The following SMC1B variants were observed in gnomAD, a reference collection of about 807,000 sequenced individuals.
SMC1B encodes structural maintenance of chromosomes protein 1B.
In SMC1B, 60 loss-of-function variants were observed where a neutral mutation model predicts 157.9. The observed-to-expected ratio is 0.38, with a 90% CI of 0.31 to 0.47. SMC1B has a LOEUF of 0.47. SMC1B is among the 20% of genes least tolerant of loss of function. The probability of loss-of-function intolerance (pLI) is 0.99; values close to 1 mark genes in which losing one functional copy is unlikely to be tolerated. For missense variants in SMC1B, 1,165 were observed against 1,426.2 expected (o/e 0.82, Z 2.95); for synonymous variants, 445 against 483.0 (o/e 0.92, Z 1.03).
intron 2 of SMC1B, 42 bp downstream of exon 2, chr22:45,408,668 G>T: frequency 1.4e-6 from 2 of 1,394,684 alleles, no homozygotes; most frequent in South Asian, 1.3e-5. Flanking sequence ...AATCTTACTT[G>T]ACTCTTGAAA....
At chr22:45,405,375 C>T (rs767156137) in intron 4 of SMC1B, among the ~76,000 whole-genome samples, 3 of 151,752 alleles carry the variant, frequency 2.0e-5, no homozygotes, top group African/African-American at 7.3e-5. Flanking sequence ...GGTGAAACCC[C>T]GTCTCTACTA....
intron 11 of SMC1B, among the ~76,000 whole-genome samples, chr22:45,385,293 T>G (rs1569188866): frequency 6.6e-6 from 1 of 152,240 alleles, no homozygotes; most frequent in African/African-American, 2.4e-5. Flanking sequence ...ATACTATAGT[T>G]TATAAGTAAA....
intron 23 of SMC1B, among the ~76,000 whole-genome samples, chr22:45,346,981 C>A (rs1251187938): frequency 2.0e-5 from 3 of 152,180 alleles, no homozygotes; most frequent in Non-Finnish European, 4.4e-5. Context: ...CCTGGAGATG[C>A]CACCAATGCA....
intron 19 of SMC1B, among the ~76,000 whole-genome samples, chr22:45,358,230 C>T (rs751706302): frequency 1.3e-5 from 2 of 152,138 alleles, no homozygotes; most frequent in African/African-American, 2.4e-5. Context: ...TAAAAATGAA[C>T]TGGTTAATGT....
intron 11 of SMC1B, among the ~76,000 whole-genome samples, chr22:45,384,152 T>G (rs1417350403): frequency 6.6e-6 from 1 of 152,168 alleles, no homozygotes; most frequent in African/African-American, 2.4e-5. Flanking sequence ...GAGGTTGCAT[T>G]TTCATGTTTA....
At chr22:45,368,011 A>G (rs1358924525) in intron 15 of SMC1B, among the ~76,000 whole-genome samples, 1 of 151,934 alleles carries the variant, frequency 6.6e-6, no homozygotes, top group Non-Finnish European at 1.5e-5. Context: ...TGTATACTTT[A>G]TTTTTCTTGT....
At chr22:45,366,664 G>A (rs1349077414) in intron 15 of SMC1B, among the ~76,000 whole-genome samples, 5 of 152,194 alleles carry the variant, frequency 3.3e-5, no homozygotes, top group Admixed American at 6.5e-5. Context: ...TTGGGAGGCC[G>A]AGGTGCATGG....
intron 12 of SMC1B, among the ~76,000 whole-genome samples, chr22:45,379,090 T>C (rs1008706864): frequency 8.5e-5 from 13 of 152,218 alleles, no homozygotes; most frequent in Admixed American, 3.3e-4. Context: ...CAAGCAATTC[T>C]CCTGCCTCAG....
chr22:45,356,727 C>CTTTTTTTT (rs1174032906), intron 19 of SMC1B, among the ~76,000 whole-genome samples: 3 of 126,430 alleles, frequency 2.4e-5, no homozygotes, highest in African/African-American at 8.9e-5. Context: ...TTTTTCTTTT[C>CTTTTTTTT]TTTTTTTTTT....
Position 45,396,376 on chromosome 22 carries a change from T to C in SMC1B, c.1224A>G (p.Ala408=), listed in dbSNP as rs1224245198. The C allele has an allele frequency of 1.9e-6, 3 of 1,613,292 alleles. No homozygotes were observed. Among genetic ancestry groups the C allele is most frequent in the South Asian group, 1.1e-5 (1 of 90,922 alleles). ...WEQKTDEERL[A]FEKRRHGEVQ... is the part of the protein sequence containing the mutation. ...CTTCTCCATGCCTCCTCTTTTCAAA[T>C]GCCAGTCTTTCTTCATCTGTCTTCT... The change falls in exon 7 of 25, where the codon GCA becomes GCG. Residue 408 remains alanine (A), a synonymous_variant. Coordinates refer to ENST00000357450, the MANE Select transcript of SMC1B (RefSeq NM_148674.5).
At chr22:45,390,373 T>C (rs1408412272) in intron 9 of SMC1B, among the ~76,000 whole-genome samples, 2 of 152,166 alleles carry the variant, frequency 1.3e-5, no homozygotes, top group East Asian at 3.8e-4. Flanking sequence ...GAGAGTGCTC[T>C]GAGAATATTT....
intron 4 of SMC1B, among the ~76,000 whole-genome samples, chr22:45,405,478 G>A (rs1444287814): frequency 6.6e-6 from 1 of 151,956 alleles, no homozygotes; most frequent in Non-Finnish European, 1.5e-5. Context: ...CGTGAACCCA[G>A]GAGGCGGAGC....
chr22:45,367,817 C>A (rs2146788751), intron 15 of SMC1B, among the ~76,000 whole-genome samples: 1 of 152,288 alleles, frequency 6.6e-6, no homozygotes, highest in South Asian at 2.1e-4. Context: ...AAGTCCAATT[C>A]TCTTATTGTC....
Position 45,361,979 on chromosome 22 carries a change from T to A in SMC1B, c.2568A>T (p.Glu856Asp). 1 of 1,613,856 alleles carries A rather than the reference T, an allele frequency of 6.2e-7. No homozygotes were observed. Residue 856 changes from glutamate to aspartate, a missense_variant, in exon 17 of 25, where the codon GAA becomes GAT. Physicochemically the swap from Glu to Asp is conservative, Grantham distance 45. Coordinates refer to ENST00000357450, the MANE Select transcript of SMC1B (RefSeq NM_148674.5). ...SEDIDHLKKA[E>D]ENCLQTVNEL... ...CATTCACTGTCTGCAGACAGTTTTC[T>A]TCAGCCTGAACAGAGAGGATCTGCA...
chr22:45,378,353 T>C (rs984181520), intron 12 of SMC1B, among the ~76,000 whole-genome samples: 2 of 152,194 alleles, frequency 1.3e-5, no homozygotes, highest in African/African-American at 4.8e-5. Flanking sequence ...TAAAAAGCTC[T>C]ACTTTAAAAA....
chr22:45,349,190 T>C (rs1419284530), intron 23 of SMC1B, among the ~76,000 whole-genome samples: 3 of 149,052 alleles, frequency 2.0e-5, no homozygotes, highest in African/African-American at 7.5e-5. Flanking sequence ...AATTTTTGTA[T>C]TTTTAGTAGA....
At chr22:45,382,260 C>T (rs1225484651) in intron 12 of SMC1B, among the ~76,000 whole-genome samples, 2 of 152,186 alleles carry the variant, frequency 1.3e-5, no homozygotes, top group Middle Eastern at 3.4e-3. Flanking sequence ...ACAAAAAGAA[C>T]AAAGTCAATG....
intron 12 of SMC1B, among the ~76,000 whole-genome samples, chr22:45,379,723 CTT>C (rs136583): frequency 1.1e-5 from 1 of 91,482 alleles, no homozygotes; most frequent in Non-Finnish European, 2.0e-5. Context: ...TTTCTTTTTA[CTT>C]TTTTTTTTTT....
chr22:45,405,614 T>G (rs1474537828), intron 4 of SMC1B, among the ~76,000 whole-genome samples: 2 of 152,018 alleles, frequency 1.3e-5, no homozygotes, highest in East Asian at 3.9e-4. Flanking sequence ...GGATCTGATT[T>G]GAGTTTCAAA....
Sources: gnomAD v4.1 joint callset for allele counts (sites outside exome capture counted in the v4.1 genomes callset) on GRCh38, gnomAD v4.1.1 for gene constraint, MANE v1.5 for transcripts, NCBI Gene and HGNC (gene_info 2026-07-23, HGNC 2026-07-21) for gene names.